The following PTAFR variants were observed in gnomAD, a reference collection of about 807,000 sequenced individuals.
PTAFR encodes platelet activating factor receptor.
In PTAFR, 8 loss-of-function variants were observed where a neutral mutation model predicts 14.7. The observed-to-expected ratio is 0.54, with a 90% CI of 0.32 to 0.98. The LOEUF is 0.98. PTAFR is among the 50% of genes least tolerant of loss of function. The probability of loss-of-function intolerance (pLI) is 0.04; values close to 1 mark genes in which losing one functional copy is unlikely to be tolerated. For missense variants in PTAFR, 337 were observed against 451.2 expected, an observed-to-expected ratio of 0.75 and a Z score of 2.29; for synonymous variants, 156 against 176.5, an observed-to-expected ratio of 0.88 and a Z score of 0.92.
chr1:28,160,713 C>T (rs1339447353), intron 1 of PTAFR, among the ~76,000 whole-genome samples: 1 of 152,146 alleles, frequency 6.6e-6, no homozygotes, highest in Admixed American at 6.5e-5. Flanking sequence ...CACACAGGCC[C>T]CACAGGAGCC....
chr1:28,175,726 C>T (rs1646506240), intron 1 of PTAFR, among the ~76,000 whole-genome samples: 1 of 152,214 alleles, frequency 6.6e-6, no homozygotes, highest in South Asian at 2.1e-4. Context: ...CACCCCCTTC[C>T]CCACCCCGCA....
At chr1:28,162,907 G>A (rs1646341841) in intron 1 of PTAFR, among the ~76,000 whole-genome samples, 1 of 149,824 alleles carries the variant, frequency 6.7e-6, no homozygotes, top group Non-Finnish European at 1.5e-5. Flanking sequence ...CGAAATCTGA[G>A]ACATGTTGTA....
At chr1:28,166,135 G>C (rs1017505399) in intron 1 of PTAFR, among the ~76,000 whole-genome samples, 2 of 152,142 alleles carry the variant, frequency 1.3e-5, no homozygotes, top group African/African-American at 4.8e-5. Flanking sequence ...ACAGAATAGA[G>C]AGACCCAAAA....
chr1:28,181,796 G>C (rs1295803618), intron 1 of PTAFR, among the ~76,000 whole-genome samples: 2 of 151,744 alleles, frequency 1.3e-5, no homozygotes, highest in East Asian at 3.9e-4. Context: ...AAAAGATATA[G>C]GGAGAAACTA....
chr1:28,177,984 G>A (rs1282859396), upstream of PTAFR, among the ~76,000 whole-genome samples: 3 of 152,040 alleles, frequency 2.0e-5, no homozygotes, highest in Admixed American at 2.0e-4. Context: ...AGCACCATCT[G>A]AGCACCCCCA....
At chr1:28,184,926 C>T (rs1293444453) in intron 1 of PTAFR, among the ~76,000 whole-genome samples, 1 of 151,922 alleles carries the variant, frequency 6.6e-6, no homozygotes, top group Admixed American at 6.6e-5. Context: ...AGGCGTAAGC[C>T]ACCATGCCCG....
intron 1 of PTAFR, among the ~76,000 whole-genome samples, chr1:28,171,703 G>A (rs1049066808): frequency 3.3e-5 from 5 of 152,256 alleles, no homozygotes; most frequent in African/African-American, 1.2e-4. Flanking sequence ...GGGCACGAGG[G>A]ATGAGGATGA....
At chr1:28,169,918 T>C (rs1646433527) in intron 1 of PTAFR, among the ~76,000 whole-genome samples, 1 of 151,332 alleles carries the variant, frequency 6.6e-6, no homozygotes, top group East Asian at 1.9e-4. Context: ...GGGAATCACT[T>C]GAACCCAGGA....
intron 1 of PTAFR, among the ~76,000 whole-genome samples, chr1:28,167,061 T>G (rs1452879318): frequency 1.3e-5 from 2 of 152,150 alleles, no homozygotes; most frequent in Non-Finnish European, 2.9e-5. Context: ...CATAATTTCC[T>G]GGATATGACA....
chr1:28,186,556 A>G (rs1321039983), intron 1 of PTAFR, among the ~76,000 whole-genome samples: 1 of 152,234 alleles, frequency 6.6e-6, no homozygotes, highest in Non-Finnish European at 1.5e-5. Context: ...ACAAGGGCAT[A>G]TATATGAACA....
chr1:28,172,552 T>C (rs1441276298), intron 1 of PTAFR, among the ~76,000 whole-genome samples: 1 of 152,192 alleles, frequency 6.6e-6, no homozygotes, highest in African/African-American at 2.4e-5. Context: ...TAATAAAACC[T>C]TCCTCACGGG....
chr1:28,176,258 C>G (rs1490551230), intron 1 of PTAFR, among the ~76,000 whole-genome samples: 1 of 151,840 alleles, frequency 6.6e-6, no homozygotes, highest in East Asian at 1.9e-4. Flanking sequence ...GTCTGGGCAA[C>G]AAGGCAAGAC....
At chr1:28,159,768 G>A (rs914019935) in intron 1 of PTAFR, among the ~76,000 whole-genome samples, 1 of 151,816 alleles carries the variant, frequency 6.6e-6, no homozygotes, top group African/African-American at 2.4e-5. Flanking sequence ...AGAGGTTGCA[G>A]TGAGCCGAGA....
intron 1 of PTAFR, among the ~76,000 whole-genome samples, chr1:28,182,165 G>C (rs578104471): frequency 6.6e-6 from 1 of 151,200 alleles, no homozygotes; most frequent in African/African-American, 2.4e-5. Flanking sequence ...GTGAAACCCC[G>C]TCTGTACTAA....
intron 1 of PTAFR, among the ~76,000 whole-genome samples, chr1:28,192,550 C>T (rs1393352343): frequency 7.4e-6 from 1 of 135,860 alleles, no homozygotes; most frequent in Non-Finnish European, 1.5e-5. Flanking sequence ...GAGAGCAAAA[C>T]TCCGTCTCAA....
intron 1 of PTAFR, among the ~76,000 whole-genome samples, chr1:28,168,114 A>G (rs1223842169): frequency 1.4e-5 from 2 of 143,738 alleles, no homozygotes; most frequent in South Asian, 4.4e-4. Context: ...GCCCGCCACC[A>G]CACCCGGCTA....
chr1:28,192,734 C>A (rs1196156708), intron 1 of PTAFR, among the ~76,000 whole-genome samples: 1 of 151,656 alleles, frequency 6.6e-6, no homozygotes, highest in Non-Finnish European at 1.5e-5. Flanking sequence ...GTAACCTCCG[C>A]TTCTCGGGTT....
chr1:28,192,096 A>T (rs184438570), intron 1 of PTAFR, among the ~76,000 whole-genome samples: 9,281 of 139,410 alleles, frequency 0.067, 314 homozygotes, highest in Middle Eastern at 0.095. Flanking sequence ...TAAAACATTT[A>T]AAAAAAAAAA....
intron 1 of PTAFR, among the ~76,000 whole-genome samples, chr1:28,169,962 T>G (rs934817725): frequency 6.7e-6 from 1 of 149,660 alleles, no homozygotes; most frequent in Non-Finnish European, 1.5e-5. Context: ...ATGACGCCAT[T>G]GCACTGGAGT....
Sources: gnomAD v4.1 joint callset for allele counts (sites outside exome capture counted in the v4.1 genomes callset) on GRCh38, gnomAD v4.1.1 for gene constraint, MANE v1.5 for transcripts, NCBI Gene and HGNC (gene_info 2026-07-23, HGNC 2026-07-21) for gene names.